Variants in WDR70 observed in about 807,000 individuals in gnomAD.
WDR70 encodes the protein WD repeat-containing protein 70.
WDR70 carries 53 observed loss-of-function variants against 88.6 expected under a neutral mutation model. The ratio of observed to expected loss-of-function variants is 0.60; its 90% CI spans 0.48 to 0.75. The LOEUF (loss-of-function observed/expected upper bound fraction) is 0.75. Ranked by LOEUF, WDR70 falls within the 30% of genes least tolerant of loss-of-function variation. The pLI is 0.00. For missense variants in WDR70, 610 were observed against 823.2 expected, an observed-to-expected ratio of 0.74 and a Z score of 3.17; for synonymous variants, 280 against 270.0, an observed-to-expected ratio of 1.04 and a Z score of -0.36.
At chr5:37,396,180 A>G (rs1186348328) in intron 4 of WDR70, among the ~76,000 whole-genome samples, 195 bp from the exon 5 acceptor site, 1 of 37,454 alleles carries the variant, frequency 2.7e-5, no homozygotes, top group Non-Finnish European at 8.1e-5. Context: ...TGACTGCGTA[A>G]GACGGTTTTT....
At chr5:37,501,869 G>A (rs189680836) in intron 8 of WDR70, among the ~76,000 whole-genome samples, 1 of 152,208 alleles carries the variant, frequency 6.6e-6, no homozygotes. Context: ...TTTGGAGTTA[G>A]GTAATGTTAT....
chr5:37,390,275 G>GT (rs1748771164), intron 3 of WDR70, among the ~76,000 whole-genome samples: 1 of 150,374 alleles, frequency 6.7e-6, no homozygotes, highest in Admixed American at 6.6e-5. Flanking sequence ...GTGAAAGCAA[G>GT]TTTATTAGGA....
At position 37,479,926 on chromosome 5, in the gene WDR70, G is replaced by C; in HGVS notation, c.779G>C (p.Gly260Ala). 1 of 1,614,128 alleles carries C rather than the reference G, an allele frequency of 6.2e-7. No individual in the cohort carries two copies. Among genetic ancestry groups the C allele is most frequent in the Non-Finnish European group, 8.5e-7 (1 of 1,180,012 alleles). ...CAGGCCAAGGTGATTGACAGAGATGGTTTTGAAGTAATGGAATGTATAAAA... is the reference window on the plus strand; with the variant it reads ...CAGGCCAAGGTGATTGACAGAGATGCTTTTGAAGTAATGGAATGTATAAAA... ...SSQAKVIDRD[G>A]FEVMECIKGD... The change falls in exon 8 of 18, where the codon GGT becomes GCT. Residue 260 changes from glycine (G) to alanine (A), a missense_variant. Physicochemically the swap from Gly to Ala is moderately conservative, Grantham distance 60 (BLOSUM62 0). Around this residue, in one of 4 missense-constraint regions of WDR70, gnomAD observed 83 missense variants for 155.3 expected, o/e 0.53. Coordinates refer to ENST00000265107, the MANE Select transcript of WDR70 (RefSeq NM_018034.4).
chr5:37,578,971 C>T (rs757376004), intron 9 of WDR70, among the ~76,000 whole-genome samples: 1 of 152,174 alleles, frequency 6.6e-6, no homozygotes, highest in Non-Finnish European at 1.5e-5. Context: ...CTTAATGTTG[C>T]TATTCTGTTT....
At position 37,426,783 on chromosome 5, in the gene WDR70, C is replaced by G. The variant is rs62360224; in HGVS notation, c.493-11139C>G. Among the ~76,000 whole-genome samples the G allele has an allele frequency of 9.4e-3, 1,305 of 138,098 alleles. 7 individuals carry two copies. Among genetic ancestry groups the G allele is most frequent in the Admixed American group, 0.018 (210 of 11,986 alleles). 90.6% of individuals were successfully genotyped at this position (138,098 alleles called of 152,430 possible). On this transcript the variant is annotated intron_variant, in intron 5 of 17. Coordinates refer to ENST00000265107, the MANE Select transcript of WDR70 (RefSeq NM_018034.4). ...CACCTAAAAGTAGTTGCCTTAAAGC[C>G]TAATCTAGGTTCTTTTTTTTTTTTT... is the stretch of plus-strand genomic sequence containing the variant.
intron 5 of WDR70, among the ~76,000 whole-genome samples, chr5:37,409,504 A>C (rs941781863): frequency 1.4e-5 from 2 of 143,916 alleles, no homozygotes; most frequent in African/African-American, 2.6e-5. Context: ...AACTGGCCTT[A>C]CTTTTTTTTT....
At chr5:37,671,692 C>CATTG (rs1335223055) in intron 10 of WDR70, among the ~76,000 whole-genome samples, 2 of 152,178 alleles carry the variant, frequency 1.3e-5, no homozygotes, top group African/African-American at 4.8e-5. Context: ...CTTTCTCCTG[C>CATTG]ATTGATAGAT....
At chr5:37,666,591 AC>A (rs1745850054) in intron 10 of WDR70, among the ~76,000 whole-genome samples, 2 of 152,180 alleles carry the variant, frequency 1.3e-5, no homozygotes, top group Non-Finnish European at 2.9e-5. Flanking sequence ...TTACTTCCCT[AC>A]TTTTCACATT....
chr5:37,487,574 A>G (rs1739912942), intron 8 of WDR70, among the ~76,000 whole-genome samples: 1 of 144,830 alleles, frequency 6.9e-6, no homozygotes, highest in South Asian at 2.1e-4. Flanking sequence ...TCTTTATATC[A>G]TTTTATATAT....
intron 8 of WDR70, among the ~76,000 whole-genome samples, chr5:37,487,617 A>ATTTT (rs1561871934): frequency 2.3e-4 from 10 of 43,756 alleles, no homozygotes; most frequent in Admixed American, 8.7e-4. Context: ...ATATATATAT[A>ATTTT]TATATATGTA....
chr5:37,718,446 C>A (rs991287214), intron 13 of WDR70, among the ~76,000 whole-genome samples: 1 of 152,172 alleles, frequency 6.6e-6, no homozygotes, highest in Admixed American at 6.5e-5. Flanking sequence ...TCTTAGACTG[C>A]TGAGCCAGAC....
chr5:37,478,378 T>C (rs1739551477), intron 7 of WDR70, among the ~76,000 whole-genome samples: 1 of 152,230 alleles, frequency 6.6e-6, no homozygotes, highest in Non-Finnish European at 1.5e-5. Flanking sequence ...GGGTTTCTCA[T>C]TGCTAGCCAG....
At chr5:37,380,739 C>T (rs1242244948) in intron 2 of WDR70, among the ~76,000 whole-genome samples, 2 of 152,174 alleles carry the variant, frequency 1.3e-5, no homozygotes. Context: ...CCTCCTCCTC[C>T]CAGGCTTAAG....
At chr5:37,652,860 T>A (rs888422046) in intron 10 of WDR70, among the ~76,000 whole-genome samples, 12 of 152,224 alleles carry the variant, frequency 7.9e-5, no homozygotes, top group Non-Finnish European at 1.0e-4. Context: ...TGGGGTTTTT[T>A]AAATATACAA....
At chr5:37,430,032 A>G (rs1317172340) in intron 5 of WDR70, among the ~76,000 whole-genome samples, 1 of 152,172 alleles carries the variant, frequency 6.6e-6, no homozygotes, top group Admixed American at 6.5e-5. Flanking sequence ...TCAGTAACAT[A>G]GTGTTAAGTG....
At chr5:37,469,593 T>TA (rs1739264037) in intron 7 of WDR70, among the ~76,000 whole-genome samples, 1 of 152,156 alleles carries the variant, frequency 6.6e-6, no homozygotes, top group Non-Finnish European at 1.5e-5. Flanking sequence ...AAGTAATAGT[T>TA]AATGGAGCCA....
At chr5:37,505,847 A>T in intron 8 of WDR70, 1 of 1,364,630 alleles carries the variant, frequency 7.3e-7, no homozygotes, top group Non-Finnish European at 1.0e-6. Flanking sequence ...TGAGGTTACA[A>T]TTCTTCAACT....
At chr5:37,744,026 T>C (rs1317614354) in intron 17 of WDR70, among the ~76,000 whole-genome samples, 5 of 152,130 alleles carry the variant, frequency 3.3e-5, no homozygotes, top group Non-Finnish European at 2.9e-5. Context: ...TGGCATCAGG[T>C]TGGTGCCCCT....
intron 10 of WDR70, among the ~76,000 whole-genome samples, chr5:37,688,853 G>C (rs1313132481): frequency 7.1e-6 from 1 of 140,114 alleles, no homozygotes; most frequent in African/African-American, 2.5e-5. Flanking sequence ...TGCAGCCCAT[G>C]GAGGGGGCAA....
Sources: allele counts gnomAD v4.1 joint callset (sites outside exome capture counted in the v4.1 genomes callset), GRCh38; gene constraint gnomAD v4.1.1; regional missense constraint gnomAD v4.1.1; transcripts MANE v1.5; gene names NCBI Gene and HGNC (gene_info 2026-07-23, HGNC 2026-07-21).